UNC5C: variants seen among roughly 807,000 people sequenced by gnomAD.
The protein encoded by UNC5C is netrin receptor UNC5C.
Under a neutral mutation model 99.8 loss-of-function variants are expected in UNC5C, and 47 were observed. That is an observed-to-expected ratio of 0.47 (90% CI 0.37 to 0.60). The LOEUF (loss-of-function observed/expected upper bound fraction) is 0.60. Among genes scored for constraint, UNC5C ranks in the 20% least tolerant of loss-of-function variants. UNC5C has a pLI of 0.00. For synonymous variants in UNC5C, 487 were observed against 452.2 expected, an observed-to-expected ratio of 1.08 and a Z score of -0.98; for missense variants, 1,062 against 1,165.9, an observed-to-expected ratio of 0.91 and a Z score of 1.30.
intron 12 of UNC5C, among the ~76,000 whole-genome samples, chr4:95,195,539 A>G (rs1338555780): frequency 6.6e-6 from 1 of 152,174 alleles, no homozygotes; most frequent in African/African-American, 2.4e-5. Context: ...TCAGCCTTAG[A>G]AGACCTAGAA....
At chr4:95,467,037 T>C (rs555715416) in intron 1 of UNC5C, among the ~76,000 whole-genome samples, 2 of 152,192 alleles carry the variant, frequency 1.3e-5, no homozygotes, top group South Asian at 4.1e-4. Context: ...ACTCGAGCCA[T>C]GATGAGAAAC....
intron 1 of UNC5C, among the ~76,000 whole-genome samples, chr4:95,534,629 C>G (rs1295307559): frequency 6.6e-6 from 1 of 152,064 alleles, no homozygotes; most frequent in Non-Finnish European, 1.5e-5. Flanking sequence ...TTTCCATTCC[C>G]TTCTCCTTAA....
intron 4 of UNC5C, among the ~76,000 whole-genome samples, chr4:95,276,816 G>A (rs972303973): frequency 6.6e-6 from 1 of 152,058 alleles, no homozygotes; most frequent in Non-Finnish European, 1.5e-5. Context: ...CAATTGGCAT[G>A]AGATGCCAAA....
intron 12 of UNC5C, among the ~76,000 whole-genome samples, chr4:95,186,469 A>G (rs915104775): frequency 6.6e-6 from 1 of 152,190 alleles, no homozygotes; most frequent in African/African-American, 2.4e-5. Context: ...TAACCCATGC[A>G]CTTGTAGAGC....
At position 95,185,049 on chromosome 4, in the gene UNC5C, G is replaced by C. The variant is rs780928372; in HGVS notation, c.2284C>G (p.Gln762Glu). The change falls in exon 13 of 16, where the codon CAG (glutamine) becomes GAG (glutamate). Residue 762 changes from glutamine (Q) to glutamate (E), a missense_variant and splice_region_variant. Transcript: ENST00000453304. ...LWKSKLLAKY[Q>E]EIPFYHVWSG... is the part of the protein sequence containing the mutation. ...TTTGTTCGGCTTGGGAACCTTACCT[G>C]ATATTTAGCCAGCAATTTGCTCTTC... The C allele has an allele frequency of 1.9e-6, 3 of 1,610,668 alleles. 1 individual carries two copies. Among genetic ancestry groups the C allele is most frequent in the South Asian group, 2.2e-5 (2 of 90,398 alleles).
intron 1 of UNC5C, among the ~76,000 whole-genome samples, chr4:95,355,928 A>T (rs1039792331): frequency 3.3e-5 from 5 of 152,016 alleles, no homozygotes; most frequent in African/African-American, 1.2e-4. Flanking sequence ...TTGGGTGCAC[A>T]CTTCTTATTC....
chr4:95,259,597 ACT>A (rs1362099947), intron 4 of UNC5C, among the ~76,000 whole-genome samples: 1 of 151,906 alleles, frequency 6.6e-6, no homozygotes, highest in African/African-American at 2.4e-5. Flanking sequence ...TTTCCTTTAA[ACT>A]CTATGAGTTT....
intron 1 of UNC5C, among the ~76,000 whole-genome samples, chr4:95,485,106 A>C (rs1013209283): frequency 1.3e-5 from 2 of 151,770 alleles, no homozygotes; most frequent in African/African-American, 2.4e-5. Flanking sequence ...TTTCTTTAGT[A>C]ATGTAATATC....
chr4:95,306,266 G>A (rs192527632), intron 2 of UNC5C, among the ~76,000 whole-genome samples: 5,279 of 151,944 alleles, frequency 0.035, 123 homozygotes, highest in South Asian at 0.053. Context: ...GCAGTGGCGC[G>A]ATCTTGGCTC....
chr4:95,242,268 A>T (rs1739351406), intron 7 of UNC5C, among the ~76,000 whole-genome samples, 161 bp downstream of exon 7: 1 of 152,184 alleles, frequency 6.6e-6, no homozygotes, highest in Non-Finnish European at 1.5e-5. Context: ...GTTCCTGGAA[A>T]ATTCGCTTTT....
intron 1 of UNC5C, among the ~76,000 whole-genome samples, chr4:95,504,501 T>C (rs1049472274): frequency 1.3e-5 from 2 of 152,118 alleles, no homozygotes; most frequent in Admixed American, 1.3e-4. Flanking sequence ...TCAATAGCAC[T>C]CTTGAAAAAG....
At chr4:95,363,794 G>A (rs1337521638) in intron 1 of UNC5C, among the ~76,000 whole-genome samples, 4 of 152,124 alleles carry the variant, frequency 2.6e-5, no homozygotes, top group African/African-American at 9.7e-5. Flanking sequence ...GCCACCCTGA[G>A]GCCTCACTCC....
In UNC5C at chr4:95,182,950, G is replaced by A. The variant is rs547179134; in HGVS notation, c.2398C>T (p.Arg800Trp). ...ATCTGCCCTTCTCCTTCCACCTGCC[G>A]CACACAGAGTTTGCAAACCAGCTCC... is the stretch of plus-strand genomic sequence containing the variant. The part of the protein sequence containing the change: ...TVELVCKLCV[R>W]QVEGEGQIFQ... The change falls in exon 14 of 16, where the codon CGG (arginine) becomes TGG (tryptophan). Residue 800 changes from arginine to tryptophan, a missense_variant. Transcript: ENST00000453304. 2.5e-5 allele frequency: 41 copies of A among 1,613,648 alleles called. No homozygotes were observed. The African/African-American group carries it at 3.3e-4, about 13-fold the overall frequency.
chr4:95,322,981 T>A (rs1296951522), intron 2 of UNC5C, among the ~76,000 whole-genome samples: 2 of 151,646 alleles, frequency 1.3e-5, no homozygotes, highest in Non-Finnish European at 2.9e-5. Flanking sequence ...GGTCAAATAT[T>A]GATAATTTCA....
chr4:95,333,239 A>G (rs1365319729), intron 2 of UNC5C, among the ~76,000 whole-genome samples: 3 of 152,176 alleles, frequency 2.0e-5, no homozygotes, highest in African/African-American at 7.2e-5. Context: ...CCAAAGGACT[A>G]TAAATCATGC....
intron 12 of UNC5C, among the ~76,000 whole-genome samples, chr4:95,196,765 TATATTTATGTAATATATAATA>T (rs1737418795): frequency 2.8e-5 from 1 of 35,994 alleles, no homozygotes; most frequent in East Asian, 5.0e-4. Context: ...ATATATATAT[TATATTTATGTAATATATAATA>T]TATATATTAT....
chr4:95,184,458 G>A (rs1736751106), intron 13 of UNC5C, among the ~76,000 whole-genome samples: 1 of 152,156 alleles, frequency 6.6e-6, no homozygotes, highest in Non-Finnish European at 1.5e-5. Flanking sequence ...CGCCAAAGTG[G>A]TTTTCTCAAG....
chr4:95,506,598 T>A (rs1319528137), intron 1 of UNC5C, among the ~76,000 whole-genome samples: 1 of 151,984 alleles, frequency 6.6e-6, no homozygotes, highest in Admixed American at 6.6e-5. Flanking sequence ...AGGCTAATTT[T>A]TACAGAGGCG....
At chr4:95,281,818 T>C (rs1741069617) in intron 3 of UNC5C, among the ~76,000 whole-genome samples, 1 of 152,202 alleles carries the variant, frequency 6.6e-6, no homozygotes, top group South Asian at 2.1e-4. Context: ...TAGATCATGG[T>C]TCCTAAACCT....
Sources: allele counts gnomAD v4.1 joint callset (sites outside exome capture counted in the v4.1 genomes callset), GRCh38; gene constraint gnomAD v4.1.1; transcripts MANE v1.5; gene names NCBI Gene and HGNC (gene_info 2026-07-23, HGNC 2026-07-21).